Variants in AGBL5 observed in about 807,000 individuals in gnomAD.
AGBL5 encodes the protein cytosolic carboxypeptidase-like protein 5.
In AGBL5, 51 loss-of-function variants were observed where a neutral mutation model predicts 88.0. The observed-to-expected ratio is 0.58, with a 90% CI of 0.46 to 0.73. The LOEUF (loss-of-function observed/expected upper bound fraction) is 0.73, where lower values mean the gene tolerates loss of function less well. Ranked by LOEUF, AGBL5 falls within the 30% of genes least tolerant of loss-of-function variation. The pLI, the probability that AGBL5 is intolerant of heterozygous loss-of-function variation, is 0.00. For missense variants in AGBL5, 1,031 were observed against 1,162.2 expected, an observed-to-expected ratio of 0.89 and a Z score of 1.64; for synonymous variants, 446 against 438.8, an observed-to-expected ratio of 1.02 and a Z score of -0.21.
In AGBL5 at chr2:27,051,669, G is replaced by C. The variant is rs1668147714; in HGVS notation, c.-171G>C. The C allele has an allele frequency of 6.6e-6, 1 of 152,292 alleles. No homozygotes were observed. Among genetic ancestry groups the C allele is most frequent in the South Asian group, 2.1e-4 (1 of 4,836 alleles). The allele number at this position is 152,292 out of a possible 1,614,324, so 9.4% of individuals were successfully genotyped here. Reference sequence around the variant, plus strand: ...GCGAGAGACTTCTTGTTTCCTGGCAGAGCGGGGTCCCGGCACCGCGGCGCT... The same window carrying C: ...GCGAGAGACTTCTTGTTTCCTGGCACAGCGGGGTCCCGGCACCGCGGCGCT... On this transcript the variant is annotated 5_prime_UTR_variant, in exon 1 of 15. Coordinates refer to ENST00000360131, the MANE Select transcript of AGBL5 (RefSeq NM_021831.6).
rs1164743809 is a variant in AGBL5, at chr2:27,068,742, C to G, written c.2353C>G (p.Gln785Glu). ...ARMPCIKTRL[Q>E]ARPRLGRGSP... is the part of the protein sequence containing the mutation. ...GATGCCCTGCATCAAGACTCGATTGCAGGTAATATTTTTGGGTCTCCAGCA... is the reference window on the plus strand; with the variant it reads ...GATGCCCTGCATCAAGACTCGATTGGAGGTAATATTTTTGGGTCTCCAGCA... The change falls in exon 13 of 15, where the codon CAG (glutamine) becomes GAG (glutamate). Residue 785 changes from glutamine to glutamate, a missense_variant and splice_region_variant. By Grantham distance (29) the Gln-to-Glu change is conservative (BLOSUM62 2). This residue lies in a region of AGBL5 where 491 missense variants were observed against 484.0 expected (regional missense o/e 1.01). Coordinates refer to ENST00000360131, the MANE Select transcript of AGBL5 (RefSeq NM_021831.6). 1.9e-6 allele frequency: 3 copies of G among 1,614,028 alleles called. No individual in the cohort carries two copies. The Admixed American group carries it at 5.0e-5, about 27-fold the overall frequency.
At chr2:27,067,471 C>T (rs1216292294) in intron 11 of AGBL5, 23 bp from the exon 12 acceptor site, 1 of 1,604,994 alleles carries the variant, frequency 6.2e-7, no homozygotes, top group African/African-American at 1.3e-5. Flanking sequence ...GCCCTTTTAT[C>T]TGCTTGTATC....
chr2:27,067,072 G>C (rs1029742981), intron 11 of AGBL5, among the ~76,000 whole-genome samples: 5 of 151,754 alleles, frequency 3.3e-5, no homozygotes, highest in Admixed American at 6.6e-5. Context: ...AACAAAGCGA[G>C]ACTCTGTCTC....
chr2:27,069,034 C>A (rs1165899519), intron 13 of AGBL5: 1 of 1,394,424 alleles, frequency 7.2e-7, no homozygotes, highest in Non-Finnish European at 9.5e-7. Flanking sequence ...AGCTTCTCCT[C>A]TCTTTCTGCC....
Position 27,053,209 on chromosome 2 carries a change from C to T in AGBL5, c.215+36C>T. On this transcript the variant is annotated intron_variant, in intron 2 of 14. Transcript: ENST00000360131. The surrounding 1 kb of genome is among the most constrained non-coding windows in gnomAD (Gnocchi z 4.9). Reference sequence around the variant, plus strand: ...CGAAATGGAGGGTGGAAAAAGGCTCCAAACCCATGCTTCAGTTAGCCCTCT... The same window carrying T: ...CGAAATGGAGGGTGGAAAAAGGCTCTAAACCCATGCTTCAGTTAGCCCTCT... 1.3e-6 allele frequency: 2 copies of T among 1,550,528 alleles called. No individual in the cohort carries two copies. The highest frequency in any genetic ancestry group is 8.7e-7 in the Non-Finnish European group (1 of 1,144,480).
intron 11 of AGBL5, among the ~76,000 whole-genome samples, chr2:27,060,562 T>C (rs1038273607): frequency 3.3e-5 from 5 of 152,400 alleles, no homozygotes; most frequent in African/African-American, 9.6e-5. Flanking sequence ...TCTTCCAGCA[T>C]ACTCATCCTT....
At position 27,057,322 on chromosome 2, in the gene AGBL5, T is replaced by A; in HGVS notation, c.1555T>A (p.Tyr519Asn). 1 of 1,613,798 alleles carries A rather than the reference T, an allele frequency of 6.2e-7. No homozygotes were observed. Among genetic ancestry groups the A allele is most frequent in the Non-Finnish European group, 8.5e-7 (1 of 1,179,866 alleles). The part of the protein sequence containing the change: ...IIHSYTLECN[Y>N]NTGRSVNSIP... ...TCTTAGCTACACACTTGAATGCAAC[T>A]ACAACACTGGACGCTCAGTAAACAG... The change falls in exon 9 of 15, where the codon TAC becomes AAC. Residue 519 changes from tyrosine to asparagine, a missense_variant. Around this residue, in one of 2 missense-constraint regions of AGBL5, gnomAD observed 491 missense variants for 484.0 expected, o/e 1.01. Transcript: ENST00000360131.
intron 12 of AGBL5, 128 bp from the exon 13 acceptor site, chr2:27,068,504 T>G (rs762175139): frequency 7.6e-5 from 55 of 722,560 alleles, no homozygotes; most frequent in Non-Finnish European, 1.1e-4. Context: ...TGCACAAGAC[T>G]ACTCCCCACG....
At chr2:27,054,909 C>A in intron 5 of AGBL5, 102 bp downstream of exon 5, 1 of 1,511,556 alleles carries the variant, frequency 6.6e-7, no homozygotes, top group Non-Finnish European at 8.9e-7. Flanking sequence ...TGGACATGGC[C>A]TCCGCCCGCA....
chr2:27,069,780 T>C, intron 14 of AGBL5, 74 bp downstream of exon 14: 2 of 1,544,710 alleles, frequency 1.3e-6, no homozygotes, highest in East Asian at 2.3e-5. Flanking sequence ...TCATTCAGAA[T>C]AATTTTCTGC....
intron 11 of AGBL5, 119 bp downstream of exon 11, chr2:27,059,523 G>T: frequency 6.5e-7 from 1 of 1,541,332 alleles, no homozygotes; most frequent in Non-Finnish European, 8.7e-7. Flanking sequence ...AATAAAATTA[G>T]TTTGTAGCAG....
At chr2:27,056,891 G>A in intron 8 of AGBL5, 99 bp downstream of exon 8, 2 of 1,340,392 alleles carry the variant, frequency 1.5e-6, no homozygotes, top group South Asian at 3.2e-5. Flanking sequence ...AGCTACTGAG[G>A]AGGCTGAGGC....
chr2:27,068,582 C>T, intron 12 of AGBL5, 50 bp from the exon 13 acceptor site: 2 of 1,535,044 alleles, frequency 1.3e-6, no homozygotes, highest in South Asian at 1.1e-5. Flanking sequence ...TTGGAAGTTA[C>T]CTCCTCTTCT....
At chr2:27,061,426 G>A (rs1423885909) in intron 11 of AGBL5, among the ~76,000 whole-genome samples, 1 of 152,056 alleles carries the variant, frequency 6.6e-6, no homozygotes, top group Non-Finnish European at 1.5e-5. Flanking sequence ...TAGTAGAGAC[G>A]GGGTTTCACC....
Position 27,052,995 on chromosome 2 carries a change from C to G in AGBL5, c.37C>G (p.Arg13Gly). ...LRCGGLLFSSRFDSGNLAHVE... is the reference protein window; with the variant it reads ...LRCGGLLFSSGFDSGNLAHVE... ...CTGTGGGGGATTGCTGTTCAGTTCT[C>G]GCTTTGATTCAGGGAATCTAGCCCA... The change falls in exon 2 of 15, where the codon CGC becomes GGC. Residue 13 changes from arginine to glycine, a missense_variant. By Grantham distance (125) the Arg-to-Gly change is moderately radical. Transcript: ENST00000360131. 1 of 1,613,082 alleles carries G rather than the reference C, an allele frequency of 6.2e-7. No individual in the cohort carries two copies. The highest frequency in any genetic ancestry group is 1.3e-5 in the African/African-American group (1 of 75,040).
upstream of AGBL5, among the ~76,000 whole-genome samples, chr2:27,050,648 C>G (rs1001930277): frequency 1.3e-5 from 2 of 152,260 alleles, no homozygotes; most frequent in African/African-American, 4.8e-5. Flanking sequence ...GGGTCTCCGG[C>G]TTTCTCAGCT....
upstream of AGBL5, chr2:27,051,316 A>G (rs1014814824): frequency 6.6e-6 from 1 of 152,206 alleles, no homozygotes; most frequent in East Asian, 1.9e-4. Flanking sequence ...ACACTACAGA[A>G]CACAAAACGG....
At chr2:27,058,329 G>A (rs926677114) in intron 9 of AGBL5, 71 bp from the exon 10 acceptor site, 1 of 1,568,456 alleles carries the variant, frequency 6.4e-7, no homozygotes, top group South Asian at 1.1e-5. Flanking sequence ...CCACTGTGCT[G>A]TGTACCCACC....
chr2:27,056,217 A>C (rs1668427107), intron 7 of AGBL5, 79 bp downstream of exon 7: 2 of 1,471,804 alleles, frequency 1.4e-6, no homozygotes, highest in Non-Finnish European at 1.8e-6. Context: ...AACAGAAGGA[A>C]GATAGCCTTA....
Sources: allele counts gnomAD v4.1 joint callset (sites outside exome capture counted in the v4.1 genomes callset), GRCh38; gene constraint gnomAD v4.1.1; regional missense constraint gnomAD v4.1.1; non-coding constraint Gnocchi (gnomAD v3.1); transcripts MANE v1.5; gene names NCBI Gene and HGNC (gene_info 2026-07-23, HGNC 2026-07-21).